Variants in ANKS1B observed in about 807,000 individuals in gnomAD.
The protein encoded by ANKS1B is ankyrin repeat and sterile alpha motif domain-containing protein 1B.
A neutral mutation model predicts 148.3 loss-of-function variants in ANKS1B; 36 were observed. That is an observed-to-expected ratio of 0.24 (90% confidence interval 0.19 to 0.32). The LOEUF (loss-of-function observed/expected upper bound fraction) is 0.32, where lower values mean the gene tolerates loss of function less well. Ranked by LOEUF, ANKS1B falls within the 10% of genes least tolerant of loss-of-function variation. The probability of loss-of-function intolerance (pLI) is 1.00; values close to 1 mark genes in which losing one functional copy is unlikely to be tolerated. For missense variants in ANKS1B, 1,157 were observed against 1,542.6 expected (o/e 0.75, Z 4.19); for synonymous variants, 542 against 560.8 (o/e 0.97, Z 0.47).
intron 25 of ANKS1B, among the ~76,000 whole-genome samples, chr12:98,767,075 TC>T (rs1285993127): frequency 6.6e-6 from 1 of 151,544 alleles, no homozygotes. Context: ...TGCCTCAGCC[TC>T]CCAAAGTGCT....
intron 12 of ANKS1B, among the ~76,000 whole-genome samples, chr12:99,297,521 G>A (rs969146194): frequency 1.3e-5 from 2 of 152,184 alleles, no homozygotes; most frequent in Non-Finnish European, 2.9e-5. Flanking sequence ...ACTGTGCTAG[G>A]CAATGGAGAT....
chr12:98,947,375 G>C (rs2099847089), intron 17 of ANKS1B, among the ~76,000 whole-genome samples: 1 of 151,940 alleles, frequency 6.6e-6, no homozygotes, highest in Admixed American at 6.5e-5. Context: ...GATGAAGGTG[G>C]TGAGCAGTGG....
At chr12:99,774,811 T>C (rs1055559901) in intron 7 of ANKS1B, among the ~76,000 whole-genome samples, 12 of 130,384 alleles carry the variant, frequency 9.2e-5, no homozygotes, top group African/African-American at 3.2e-4. Flanking sequence ...AACAATGGAC[T>C]ATTATTCAGC....
chr12:99,759,701 C>T (rs1379187746), intron 8 of ANKS1B, among the ~76,000 whole-genome samples: 1 of 151,890 alleles, frequency 6.6e-6, no homozygotes, highest in Admixed American at 6.6e-5. Context: ...AAATGTAAAC[C>T]TTGAAATAGA....
intron 12 of ANKS1B, among the ~76,000 whole-genome samples, chr12:99,284,242 T>C (rs974740491): frequency 6.6e-6 from 1 of 152,078 alleles, no homozygotes; most frequent in African/African-American, 2.4e-5. Context: ...CCCAACCCAG[T>C]TGGATTTAAA....
At chr12:98,800,755 A>T (rs181963270) in intron 21 of ANKS1B, among the ~76,000 whole-genome samples, 67 of 150,408 alleles carry the variant, frequency 4.5e-4, no homozygotes, top group African/African-American at 1.5e-3. Flanking sequence ...AAAATATACA[A>T]CTATATAAGA....
intron 17 of ANKS1B, among the ~76,000 whole-genome samples, chr12:98,961,570 C>T (rs2099871507): frequency 6.6e-6 from 1 of 151,942 alleles, no homozygotes; most frequent in Non-Finnish European, 1.5e-5. Context: ...CAGGTAATAG[C>T]ACAGAGAAAA....
intron 17 of ANKS1B, among the ~76,000 whole-genome samples, chr12:98,896,688 C>G (rs1193679121): frequency 6.6e-6 from 1 of 152,208 alleles, no homozygotes; most frequent in Non-Finnish European, 1.5e-5. Context: ...TGCATCTTGA[C>G]TGGTGTACTC....
intron 14 of ANKS1B, among the ~76,000 whole-genome samples, chr12:99,213,696 C>A (rs182562515): frequency 1.7e-4 from 26 of 152,290 alleles, no homozygotes; most frequent in Admixed American, 1.4e-3. Flanking sequence ...TATTATTTCA[C>A]CAGTTCTAAC....
chr12:99,767,705 CT>C (rs1601740064), intron 8 of ANKS1B, among the ~76,000 whole-genome samples: 1 of 152,020 alleles, frequency 6.6e-6, no homozygotes, highest in Non-Finnish European at 1.5e-5. Flanking sequence ...CCTAATTCAA[CT>C]TAGAAAATGG....
intron 12 of ANKS1B, among the ~76,000 whole-genome samples, chr12:99,352,756 T>TA: frequency 6.6e-6 from 1 of 152,156 alleles, no homozygotes; most frequent in East Asian, 1.9e-4. Flanking sequence ...CTTAAAAACT[T>TA]AAACATCCAG....
intron 10 of ANKS1B, among the ~76,000 whole-genome samples, chr12:99,471,963 G>C (rs1372728550): frequency 1.3e-5 from 2 of 152,028 alleles, no homozygotes; most frequent in Non-Finnish European, 2.9e-5. Context: ...AATGCCCTTA[G>C]AATTCGTAGT....
At chr12:99,549,836 G>A (rs1022474225) in intron 9 of ANKS1B, among the ~76,000 whole-genome samples, 2 of 152,150 alleles carry the variant, frequency 1.3e-5, no homozygotes, top group Middle Eastern at 3.2e-3. Flanking sequence ...ACTAAGGCTT[G>A]GGCTGTGAAA....
In ANKS1B at chr12:99,402,833, G is replaced by A. The variant is rs184463540; in HGVS notation, c.1576-3022C>T. Among the ~76,000 whole-genome samples, 5 of 145,886 alleles carry A rather than the reference G, an allele frequency of 3.4e-5. 1 individual carries two copies. The highest frequency in any genetic ancestry group is 3.9e-4 in the East Asian group (2 of 5,180). ...GATTTATGTTCTTTTGGGTATATAC[G>A]CAGTAATGGGATTACTGGATCGAAT... On this transcript the variant is annotated intron_variant, in intron 11 of 26. Coordinates refer to ENST00000683438, the MANE Select transcript of ANKS1B (RefSeq NM_001352186.2).
chr12:99,522,933 G>A (rs887163441), intron 9 of ANKS1B, among the ~76,000 whole-genome samples: 1 of 152,172 alleles, frequency 6.6e-6, no homozygotes, highest in Non-Finnish European at 1.5e-5. Flanking sequence ...CAAAGAGACT[G>A]GGGGAGACTT....
At chr12:99,329,602 C>T (rs1193716481) in intron 12 of ANKS1B, among the ~76,000 whole-genome samples, 1 of 151,684 alleles carries the variant, frequency 6.6e-6, no homozygotes, top group East Asian at 1.9e-4. Context: ...TTCTGGTCAA[C>T]AAATGTCTTT....
chr12:98,901,967 C>T (rs1190998421), intron 17 of ANKS1B, among the ~76,000 whole-genome samples: 1 of 152,174 alleles, frequency 6.6e-6, no homozygotes, highest in Non-Finnish European at 1.5e-5. Flanking sequence ...CATACTTTGC[C>T]ATGGGAAAAT....
chr12:99,246,026 G>A (rs551585588), intron 13 of ANKS1B, among the ~76,000 whole-genome samples: 2 of 152,198 alleles, frequency 1.3e-5, no homozygotes, highest in African/African-American at 4.8e-5. Flanking sequence ...CTCATAGCTA[G>A]TTATTACTTC....
intron 9 of ANKS1B, among the ~76,000 whole-genome samples, chr12:99,629,672 T>G (rs563945110): frequency 3.3e-5 from 5 of 152,180 alleles, no homozygotes; most frequent in Admixed American, 3.3e-4. Flanking sequence ...TAGAAGATGC[T>G]TTCATTCTTG....
Sources: gnomAD v4.1 joint callset for allele counts (sites outside exome capture counted in the v4.1 genomes callset) on GRCh38, gnomAD v4.1.1 for gene constraint, MANE v1.5 for transcripts, NCBI Gene and HGNC (gene_info 2026-07-23, HGNC 2026-07-21) for gene names.